The following POU6F2 variants were observed in gnomAD, a reference collection of about 807,000 sequenced individuals.
The protein encoded by POU6F2 is POU domain, class 6, transcription factor 2.
In POU6F2, 31 loss-of-function variants were observed where a neutral mutation model predicts 71.3. The ratio of observed to expected loss-of-function variants is 0.43; its 90% CI spans 0.33 to 0.59. The LOEUF (loss-of-function observed/expected upper bound fraction) is 0.59. POU6F2 is among the 20% of genes least tolerant of loss of function. The pLI, the probability that POU6F2 is intolerant of heterozygous loss-of-function variation, is 0.04. For missense variants in POU6F2, 783 were observed against 856.8 expected (o/e 0.91, Z 1.07); for synonymous variants, 347 against 355.7 (o/e 0.98, Z 0.27).
At chr7:39,045,612 A>G (rs1450700439) in intron 1 of POU6F2, among the ~76,000 whole-genome samples, 4 of 151,818 alleles carry the variant, frequency 2.6e-5, no homozygotes, top group Non-Finnish European at 5.9e-5. Context: ...AAAATGTACA[A>G]TGTAATGATT....
At chr7:39,118,127 A>G (rs944019543) in intron 2 of POU6F2, among the ~76,000 whole-genome samples, 2 of 152,176 alleles carry the variant, frequency 1.3e-5, no homozygotes, top group Admixed American at 1.3e-4. Context: ...TCTCTGGAGA[A>G]ATGAGCTGGT....
chr7:39,121,946 G>T (rs1461758124), intron 2 of POU6F2, among the ~76,000 whole-genome samples: 1 of 152,112 alleles, frequency 6.6e-6, no homozygotes, highest in African/African-American at 2.4e-5. Flanking sequence ...TGATCCACCC[G>T]CATTAGCCTA....
intron 2 of POU6F2, among the ~76,000 whole-genome samples, chr7:39,131,094 C>A (rs2128729615): frequency 6.6e-6 from 1 of 152,294 alleles, no homozygotes; most frequent in Non-Finnish European, 1.5e-5. Context: ...AGTAGGGCCA[C>A]CGTTTCTCAT....
intron 2 of POU6F2, among the ~76,000 whole-genome samples, chr7:39,098,182 A>AT (rs896470830): frequency 6.6e-6 from 1 of 151,368 alleles, no homozygotes; most frequent in Non-Finnish European, 1.5e-5. Context: ...TGTCTTATAT[A>AT]TTTTTTATTT....
At chr7:39,005,325 G>A (rs1381357628) in intron 1 of POU6F2, 3 of 152,174 alleles carry the variant, frequency 2.0e-5, no homozygotes, top group South Asian at 2.1e-4. Flanking sequence ...TGATTTCCAC[G>A]GGAACATTGT....
chr7:39,040,685 A>C (rs1316943801), intron 1 of POU6F2, among the ~76,000 whole-genome samples: 1 of 151,904 alleles, frequency 6.6e-6, no homozygotes, highest in East Asian at 1.9e-4. Flanking sequence ...TTCCTATAGT[A>C]ATCATTTATT....
chr7:39,433,721 G>A (rs1286808334), intron 7 of POU6F2, among the ~76,000 whole-genome samples: 1 of 152,158 alleles, frequency 6.6e-6, no homozygotes, highest in Admixed American at 6.6e-5. Flanking sequence ...TGAAAAATAG[G>A]AAGTTCTGCT....
At chr7:39,009,612 G>A (rs536025752) in intron 1 of POU6F2, among the ~76,000 whole-genome samples, 2 of 152,256 alleles carry the variant, frequency 1.3e-5, no homozygotes, top group East Asian at 3.9e-4. Flanking sequence ...GTTTTCAAAG[G>A]GAATGCTTCC....
chr7:39,363,028 C>T (rs887884232), intron 5 of POU6F2, among the ~76,000 whole-genome samples: 1 of 152,084 alleles, frequency 6.6e-6, no homozygotes, highest in South Asian at 2.1e-4. Flanking sequence ...GTAGCTAGTA[C>T]TCGGAATAAA....
intron 4 of POU6F2, among the ~76,000 whole-genome samples, chr7:39,229,649 C>G (rs1306303313): frequency 2.0e-5 from 3 of 152,190 alleles, no homozygotes; most frequent in African/African-American, 7.2e-5. Flanking sequence ...TTGTGAGACA[C>G]TGATGTTAAA....
intron 1 of POU6F2, among the ~76,000 whole-genome samples, chr7:38,980,610 A>G (rs1309650534): frequency 6.6e-6 from 1 of 152,204 alleles, no homozygotes; most frequent in Non-Finnish European, 1.5e-5. Context: ...ATATCGTCTT[A>G]TATCTACTCA....
intron 5 of POU6F2, among the ~76,000 whole-genome samples, chr7:39,395,563 T>C (rs547563049): frequency 3.9e-5 from 6 of 152,344 alleles, no homozygotes; most frequent in East Asian, 1.9e-4. Flanking sequence ...CCTCAAGGCA[T>C]GAGGCTCTTG....
intron 5 of POU6F2, among the ~76,000 whole-genome samples, chr7:39,349,531 G>A (rs1397718384): frequency 6.6e-6 from 1 of 152,060 alleles, no homozygotes; most frequent in Admixed American, 6.5e-5. Context: ...ATGGTCAGGA[G>A]ATCCCCCAGC....
chr7:39,444,877 C>G (rs772858160), intron 7 of POU6F2, among the ~76,000 whole-genome samples: 1 of 151,604 alleles, frequency 6.6e-6, no homozygotes, highest in Non-Finnish European at 1.5e-5. Context: ...TAAATCCAGA[C>G]AAAAGTTAAC....
At chr7:39,097,394 T>C (rs1363587516) in intron 2 of POU6F2, among the ~76,000 whole-genome samples, 1 of 152,190 alleles carries the variant, frequency 6.6e-6, no homozygotes, top group African/African-American at 2.4e-5. Context: ...CTATATTGAA[T>C]CTTTGAAATT....
chr7:39,272,037 C>G (rs1055004714), intron 4 of POU6F2, among the ~76,000 whole-genome samples: 2 of 151,878 alleles, frequency 1.3e-5, no homozygotes, highest in Non-Finnish European at 2.9e-5. Context: ...TACAGAAAAG[C>G]TAGTGCTTCG....
At chr7:39,167,008 A>G (rs1793127650) in intron 2 of POU6F2, among the ~76,000 whole-genome samples, 1 of 152,200 alleles carries the variant, frequency 6.6e-6, no homozygotes, top group South Asian at 2.1e-4. Context: ...GCATATTCAA[A>G]TAATATAGAC....
At chr7:39,173,919 G>T (rs1793276527) in intron 2 of POU6F2, among the ~76,000 whole-genome samples, 4 of 152,174 alleles carry the variant, frequency 2.6e-5, no homozygotes, top group Admixed American at 2.6e-4. Flanking sequence ...GGAAATTTAG[G>T]GCTATTCTAC....
At chr7:39,260,392 CCA>C (rs1240553852) in intron 4 of POU6F2, among the ~76,000 whole-genome samples, 4 of 150,992 alleles carry the variant, frequency 2.6e-5, no homozygotes, top group African/African-American at 9.8e-5. Context: ...CTTGCTCACA[CCA>C]CACACACAGA....
Sources: allele counts gnomAD v4.1 joint callset (sites outside exome capture counted in the v4.1 genomes callset), GRCh38; gene constraint gnomAD v4.1.1; transcripts MANE v1.5; gene names NCBI Gene and HGNC (gene_info 2026-07-23, HGNC 2026-07-21).